Variants in NPAS3 observed in about 807,000 individuals in gnomAD.
NPAS3 encodes the protein neuronal PAS domain-containing protein 3.
A neutral mutation model predicts 73.1 loss-of-function variants in NPAS3; 14 were observed. That is an observed-to-expected ratio of 0.19 (90% CI 0.13 to 0.30). NPAS3 has a LOEUF of 0.30. Among genes scored for constraint, NPAS3 ranks in the 10% least tolerant of loss-of-function variants. NPAS3 has a pLI of 1.00. For missense variants in NPAS3, 1,096 were observed against 1,250.0 expected, an observed-to-expected ratio of 0.88 and a Z score of 1.86; for synonymous variants, 620 against 541.5, an observed-to-expected ratio of 1.14 and a Z score of -2.01.
At chr14:33,236,977 A>G (rs2048055574) in intron 3 of NPAS3, among the ~76,000 whole-genome samples, 1 of 152,130 alleles carries the variant, frequency 6.6e-6, no homozygotes, top group South Asian at 2.1e-4. Flanking sequence ...ATTTTACATT[A>G]CAAAAATCAA....
At chr14:33,738,635 A>C (rs2061581986) in intron 7 of NPAS3, among the ~76,000 whole-genome samples, 1 of 152,176 alleles carries the variant, frequency 6.6e-6, no homozygotes, top group African/African-American at 2.4e-5. Context: ...CTTCCTCAGG[A>C]AAGTCGCCCT....
chr14:33,290,194 G>A (rs2042044639), intron 3 of NPAS3, among the ~76,000 whole-genome samples: 1 of 152,132 alleles, frequency 6.6e-6, no homozygotes, highest in Non-Finnish European at 1.5e-5. Flanking sequence ...TTAGCCTGAA[G>A]GTTTATGTAA....
intron 4 of NPAS3, among the ~76,000 whole-genome samples, chr14:33,506,330 A>G (rs1355510529): frequency 6.6e-6 from 1 of 152,018 alleles, no homozygotes; most frequent in Non-Finnish European, 1.5e-5. Context: ...AGCAGGAGGT[A>G]TCTTTCCTTA....
intron 4 of NPAS3, among the ~76,000 whole-genome samples, chr14:33,421,264 A>G (rs1220425308): frequency 6.6e-6 from 1 of 151,886 alleles, no homozygotes; most frequent in Non-Finnish European, 1.5e-5. Context: ...TGATCCCAGT[A>G]TAGGACCATC....
chr14:33,171,329 A>G lies in NPAS3; in HGVS notation c.141-43853A>G, dbSNP rs529036026. On this transcript the variant is annotated intron_variant, in intron 2 of 11. Coordinates refer to ENST00000356141, the Ensembl canonical transcript of NPAS3. ...TGAGCACAGGCCGAGTAGTTCTACC[A>G]CTATTCTTAATGGCCCTAGGATTTT... Among the ~76,000 whole-genome samples the G allele has an allele frequency of 3.9e-5, 6 of 152,300 alleles. No individual in the cohort carries two copies. In the East Asian group the frequency reaches 1.2e-3, roughly 29 times the overall value.
At chr14:33,683,025 G>T (rs918477736) in intron 6 of NPAS3, among the ~76,000 whole-genome samples, 1 of 144,248 alleles carries the variant, frequency 6.9e-6, no homozygotes, top group African/African-American at 2.7e-5. Context: ...TTGGATCTTG[G>T]CACAGTTCTG....
rs191173450 is a variant in NPAS3, at chr14:33,781,229, A to C, written c.1153+2657A>C. 3.2e-4 allele frequency among the ~76,000 whole-genome samples: 49 copies of C among 152,336 alleles called. 1 individual carries two copies. In the East Asian group the frequency reaches 3.7e-3, roughly 11 times the overall value. Reference sequence around the variant, plus strand: ...CTTAATATCTTCAATCACACACACAAAAAAATCAAACTGATTCCAGTGTCA... The same window carrying C: ...CTTAATATCTTCAATCACACACACACAAAAATCAAACTGATTCCAGTGTCA... On this transcript the variant is annotated intron_variant, in intron 9 of 11. Transcript: ENST00000356141.
At chr14:33,032,828 A>G (rs1397898120) in intron 1 of NPAS3, among the ~76,000 whole-genome samples, 4 of 152,170 alleles carry the variant, frequency 2.6e-5, no homozygotes, top group African/African-American at 9.7e-5. Context: ...GAGCTCATGG[A>G]CTGCTTCTGG....
intron 9 of NPAS3, among the ~76,000 whole-genome samples, chr14:33,791,785 G>C (rs923503315): frequency 6.6e-6 from 1 of 152,146 alleles, no homozygotes; most frequent in African/African-American, 2.4e-5. Context: ...TCAAATTCTA[G>C]TCTAGAACTC....
At chr14:33,717,198 G>A (rs570458879) in intron 6 of NPAS3, among the ~76,000 whole-genome samples, 162 of 136,136 alleles carry the variant, frequency 1.2e-3, no homozygotes, top group Non-Finnish European at 1.9e-3. Flanking sequence ...AATAACCTAA[G>A]CATTCTTGGG....
intron 3 of NPAS3, among the ~76,000 whole-genome samples, chr14:33,284,768 C>A (rs1178473293): frequency 2.6e-3 from 1 of 378 alleles, no homozygotes; most frequent in Non-Finnish European, 4.2e-3. Flanking sequence ...ATATCTATAT[C>A]TATCTATCTA....
chr14:33,095,985 A>T (rs377305455), intron 2 of NPAS3, among the ~76,000 whole-genome samples: 14 of 150,342 alleles, frequency 9.3e-5, no homozygotes, highest in African/African-American at 3.2e-4. Context: ...CTGGCCGGTC[A>T]TTCTCTGTTT....
chr14:33,620,146 T>C (rs777069922), intron 5 of NPAS3, among the ~76,000 whole-genome samples: 4 of 152,190 alleles, frequency 2.6e-5, no homozygotes, highest in Admixed American at 6.5e-5. Flanking sequence ...GGTGATGATA[T>C]AGATATTTTG....
chr14:33,407,746 G>C (rs1035566003), intron 4 of NPAS3, among the ~76,000 whole-genome samples: 1 of 151,906 alleles, frequency 6.6e-6, no homozygotes, highest in Non-Finnish European at 1.5e-5. Context: ...TTTGAAATGG[G>C]TGTGAGTACT....
intron 2 of NPAS3, among the ~76,000 whole-genome samples, chr14:33,071,170 C>T (rs1424435989): frequency 1.3e-5 from 2 of 152,128 alleles, no homozygotes; most frequent in Non-Finnish European, 2.9e-5. Flanking sequence ...GGTTTATCAT[C>T]ATTAGGAACA....
intron 5 of NPAS3, among the ~76,000 whole-genome samples, chr14:33,637,609 G>A (rs1047086673): frequency 3.3e-5 from 5 of 152,104 alleles, no homozygotes; most frequent in Admixed American, 6.6e-5. Context: ...TTCTACAGGC[G>A]AGGCCACATA....
At chr14:33,372,446 T>G (rs2046132199) in intron 4 of NPAS3, among the ~76,000 whole-genome samples, 1 of 152,190 alleles carries the variant, frequency 6.6e-6, no homozygotes, top group East Asian at 1.9e-4. Flanking sequence ...AATAATAAAC[T>G]TAATGGTGAT....
chr14:33,695,044 T>C (rs2060337898), intron 6 of NPAS3, among the ~76,000 whole-genome samples: 1 of 152,156 alleles, frequency 6.6e-6, no homozygotes, highest in South Asian at 2.1e-4. Context: ...GTTCTGGCCA[T>C]ACAACTAACT....
chr14:33,518,592 A>ATTTTT lies in NPAS3; in HGVS notation c.469-41515_469-41511dup, dbSNP rs71433619. On this transcript the variant is annotated intron_variant, in intron 4 of 11. Transcript: ENST00000356141. ...ACACCAACATAAACAGACATCAAGG[A>ATTTTT]TTTTTTTTTTTTTTTTTTGGCATGT... 1.2e-3 allele frequency among the ~76,000 whole-genome samples: 158 copies of ATTTTT among 128,822 alleles called. 3 individuals are homozygous for ATTTTT. Among genetic ancestry groups the ATTTTT allele is most frequent in the South Asian group, 7.9e-3 (31 of 3,936 alleles). 84.5% of individuals were successfully genotyped at this position (128,822 alleles called of 152,430 possible).
Sources: gnomAD v4.1 joint callset for allele counts (sites outside exome capture counted in the v4.1 genomes callset) on GRCh38, gnomAD v4.1.1 for gene constraint, MANE v1.5 for transcripts, NCBI Gene and HGNC (gene_info 2026-07-23, HGNC 2026-07-21) for gene names.